The following LRRK1 variants were observed in gnomAD, a reference collection of about 807,000 sequenced individuals.
The protein encoded by LRRK1 is leucine rich repeat kinase 1.
LRRK1 carries 113 observed loss-of-function variants against 209.1 expected under a neutral mutation model. That is an observed-to-expected ratio of 0.54 (90% confidence interval 0.46 to 0.63). LRRK1 has a LOEUF of 0.63. LRRK1 is among the 30% of genes least tolerant of loss of function. The probability of loss-of-function intolerance (pLI) is 0.00; values close to 1 mark genes in which losing one functional copy is unlikely to be tolerated. For missense variants in LRRK1, 2,284 were observed against 2,632.2 expected, an observed-to-expected ratio of 0.87 and a Z score of 2.89; for synonymous variants, 1,144 against 1,099.7, an observed-to-expected ratio of 1.04 and a Z score of -0.80.
At chr15:101,062,313 G>GC in intron 30 of LRRK1, 1 of 378,666 alleles carries the variant, frequency 2.6e-6, no homozygotes, top group South Asian at 3.7e-5. Context: ...GAGAGGCTGT[G>GC]CCCCCAGATC....
intron 2 of LRRK1, among the ~76,000 whole-genome samples, chr15:100,971,288 C>T (rs1414051307): frequency 2.0e-5 from 3 of 148,362 alleles, no homozygotes; most frequent in East Asian, 2.0e-4. Flanking sequence ...GAGCCGAGAT[C>T]GCGCCACTGC....
chr15:100,994,889 C>T (rs1388918412), intron 6 of LRRK1, among the ~76,000 whole-genome samples: 1 of 152,126 alleles, frequency 6.6e-6, no homozygotes, highest in Non-Finnish European at 1.5e-5. Context: ...GGAAGGATGA[C>T]TCAGGAGCCA....
intron 12 of LRRK1, 32 bp downstream of exon 12, chr15:101,015,434 A>T: frequency 6.4e-7 from 1 of 1,552,804 alleles, no homozygotes; most frequent in South Asian, 1.1e-5. Context: ...GTGTTCCCAG[A>T]TGAGACAGCC....
chr15:100,997,129 A>T (rs1400212922), intron 6 of LRRK1, among the ~76,000 whole-genome samples: 1 of 151,738 alleles, frequency 6.6e-6, no homozygotes, highest in East Asian at 1.9e-4. Flanking sequence ...ATTTAAAAGC[A>T]TGTTTATCCC....
intron 2 of LRRK1, among the ~76,000 whole-genome samples, chr15:100,970,342 G>A (rs1015283150): frequency 6.6e-6 from 1 of 152,158 alleles, no homozygotes; most frequent in Non-Finnish European, 1.5e-5. Context: ...AGGGGTCAGG[G>A]CTGCTTTTTA....
chr15:101,052,773 C>T (rs112296635), intron 24 of LRRK1, 149 bp from the exon 25 acceptor site: 43 of 889,312 alleles, frequency 4.8e-5, no homozygotes, highest in African/African-American at 3.9e-4. Context: ...TGCTCACCCA[C>T]AAGTGGCAGG....
chr15:100,942,865 C>A (rs1173740018), intron 2 of LRRK1, among the ~76,000 whole-genome samples: 1 of 152,036 alleles, frequency 6.6e-6, no homozygotes, highest in African/African-American at 2.4e-5. Flanking sequence ...TCACAGTGGG[C>A]GGGTGGGGTG....
chr15:101,057,376 T>A (rs548370260), intron 28 of LRRK1, among the ~76,000 whole-genome samples: 11 of 152,202 alleles, frequency 7.2e-5, no homozygotes, highest in Non-Finnish European at 1.6e-4. Flanking sequence ...TGTAAAGTGA[T>A]GGGGAAAAGG....
Position 100,988,671 on chromosome 15 carries a change from G to A in LRRK1, c.471G>A (p.Leu157=), listed in dbSNP as rs765275318. 6.2e-7 allele frequency: 1 copy of A among 1,614,192 alleles called. No homozygotes were observed. Among genetic ancestry groups the A allele is most frequent in the Admixed American group, 1.7e-5 (1 of 60,030 alleles). Residue 157 remains leucine, a synonymous_variant, in exon 5 of 34, where the codon CTG becomes CTA. Transcript: ENST00000388948. Reference sequence around the variant, plus strand: ...CCCAGCGGCTTCTGAACTGGATGCTGGCCTTGGCTTGCCAGCGAGGGCACC... The same window carrying A: ...CCCAGCGGCTTCTGAACTGGATGCTAGCCTTGGCTTGCCAGCGAGGGCACC... ...CSPQRLLNWM[L]ALACQRGHLG...
intron 6 of LRRK1, among the ~76,000 whole-genome samples, chr15:101,007,363 T>A (rs185530789): frequency 6.6e-6 from 1 of 152,324 alleles, no homozygotes; most frequent in East Asian, 1.9e-4. Context: ...CCCAGAAACC[T>A]GATTGAGCCC....
intron 30 of LRRK1, 117 bp downstream of exon 30, chr15:101,061,405 A>G: frequency 1.5e-6 from 1 of 684,436 alleles, no homozygotes; most frequent in Middle Eastern, 4.1e-4. Context: ...CTTTCAGATA[A>G]CCCCCAGCGC....
At position 101,066,710 on chromosome 15, in the gene LRRK1, G is replaced by A. The variant is rs375414450; in HGVS notation, c.5839G>A (p.Val1947Ile). ...CGCCCAGCGGGGCCGAGTCATTGCC[G>A]TCTTAAAAGCCCGAGAGCTGACTCC... is the stretch of plus-strand genomic sequence containing the variant. ...SGAQRGRVIAVLKARELTPHG... is the reference protein window; with the variant it reads ...SGAQRGRVIAILKARELTPHG... Residue 1947 changes from valine (V) to isoleucine (I), a missense_variant, in exon 33 of 34, where the codon GTC (valine) becomes ATC (isoleucine). By Grantham distance (29) the Val-to-Ile change is conservative. Around this residue, in one of 6 missense-constraint regions of LRRK1, gnomAD observed 643 missense variants for 695.9 expected, o/e 0.92. Coordinates refer to ENST00000388948, the MANE Select transcript of LRRK1 (RefSeq NM_024652.6). The A allele has an allele frequency of 3.7e-5, 59 of 1,614,194 alleles. No homozygotes were observed. Among genetic ancestry groups the A allele is most frequent in the Non-Finnish European group, 4.4e-5 (52 of 1,180,008 alleles).
At chr15:100,988,604 C>G (rs771350671) in intron 4 of LRRK1, 30 bp from the exon 5 acceptor site, 2 of 1,612,040 alleles carry the variant, frequency 1.2e-6, no homozygotes, top group Admixed American at 1.7e-5. Flanking sequence ...TTCAGTGGCA[C>G]TTTCCCTTTG....
intron 2 of LRRK1, among the ~76,000 whole-genome samples, chr15:100,952,900 T>C (rs1224846714): frequency 6.6e-6 from 1 of 152,232 alleles, no homozygotes; most frequent in Non-Finnish European, 1.5e-5. Flanking sequence ...ACAGAATCTA[T>C]TGACCAAAAT....
At chr15:101,032,215 C>G (rs1476614079) in intron 20 of LRRK1, among the ~76,000 whole-genome samples, 1 of 152,082 alleles carries the variant, frequency 6.6e-6, no homozygotes, top group Non-Finnish European at 1.5e-5. Flanking sequence ...AAGTTTTATG[C>G]CTATTTTATG....
At position 101,076,657 on chromosome 15, in the gene LRRK1, C is replaced by G. The variant is rs1436040276; in HGVS notation, c.*7809C>G. On this transcript the variant is annotated 3_prime_UTR_variant, in exon 34 of 34. Transcript: ENST00000388948. ...TGGAAATCTATCCTCAAGGAAATAA[C>G]TTCTCAGTGTTCCATCTGCTATTCT... The G allele has an allele frequency of 6.6e-6, 1 of 152,302 alleles. No individual in the cohort carries two copies. Among genetic ancestry groups the G allele is most frequent in the Non-Finnish European group, 1.5e-5 (1 of 68,138 alleles). 9.4% of individuals were successfully genotyped at this position (152,302 alleles called of 1,614,324 possible).
chr15:100,932,522 T>C (rs2141599343), intron 2 of LRRK1, among the ~76,000 whole-genome samples: 1 of 152,300 alleles, frequency 6.6e-6, no homozygotes, highest in Admixed American at 6.5e-5. Flanking sequence ...GAGTTGAATA[T>C]TACTGCATAT....
chr15:100,995,843 C>T (rs2032380405), intron 6 of LRRK1, among the ~76,000 whole-genome samples: 2 of 152,168 alleles, frequency 1.3e-5, no homozygotes, highest in African/African-American at 4.8e-5. Flanking sequence ...TATTAATTTC[C>T]TTTTAAAAGT....
At chr15:100,981,567 C>G (rs1196421737) in intron 3 of LRRK1, among the ~76,000 whole-genome samples, 1 of 152,222 alleles carries the variant, frequency 6.6e-6, no homozygotes, top group East Asian at 1.9e-4. Context: ...CCTCCAAGTC[C>G]CATGTTTCCA....
Sources: allele counts gnomAD v4.1 joint callset (sites outside exome capture counted in the v4.1 genomes callset), GRCh38; gene constraint gnomAD v4.1.1; regional missense constraint gnomAD v4.1.1; transcripts MANE v1.5; gene names NCBI Gene and HGNC (gene_info 2026-07-23, HGNC 2026-07-21).